The following SLC8A1 variants were observed in gnomAD, a reference collection of about 807,000 sequenced individuals.
SLC8A1 encodes sodium/calcium exchanger 1.
A neutral mutation model predicts 68.3 loss-of-function variants in SLC8A1; 18 were observed. That is an observed-to-expected ratio of 0.26 (90% confidence interval 0.18 to 0.39). The LOEUF is 0.39. SLC8A1 is among the 10% of genes least tolerant of loss of function. The pLI, the probability that SLC8A1 is intolerant of heterozygous loss-of-function variation, is 1.00. For missense variants in SLC8A1, 985 were observed against 1,156.7 expected (o/e 0.85, Z 2.15); for synonymous variants, 475 against 415.5 (o/e 1.14, Z -1.74).
intron 2 of SLC8A1, among the ~76,000 whole-genome samples, chr2:40,414,996 T>C (rs780661389): frequency 6.6e-6 from 1 of 152,104 alleles, no homozygotes; most frequent in African/African-American, 2.4e-5. Flanking sequence ...GAGAATGAAA[T>C]ACATGGCTCA....
intron 1 of SLC8A1, among the ~76,000 whole-genome samples, chr2:40,509,457 T>C (rs1706571122): frequency 7.0e-6 from 1 of 142,878 alleles, no homozygotes; most frequent in Admixed American, 7.0e-5. Flanking sequence ...TTTTTTTTTT[T>C]TTTTTTAAGA....
At chr2:40,406,734 G>A (rs934945120) in intron 2 of SLC8A1, among the ~76,000 whole-genome samples, 4 of 152,114 alleles carry the variant, frequency 2.6e-5, no homozygotes, top group East Asian at 1.9e-4. Flanking sequence ...CCTGCATTTC[G>A]ATCTAAGCCT....
chr2:40,304,308 T>C lies in SLC8A1; in HGVS notation c.1808+124165A>G, dbSNP rs1001808366. On this transcript the variant is annotated intron_variant, in intron 2 of 7. Transcript: ENST00000406785. ...TTCTTGAAGGAAATAAGGAGGCTGT[T>C]GGAATAGCAATTTTCAATATCCAGA... Among the ~76,000 whole-genome samples, 6 of 152,190 alleles carry C rather than the reference T, an allele frequency of 3.9e-5. No homozygotes were observed. The East Asian group carries it at 1.2e-3, about 29-fold the overall frequency.
chr2:40,135,853 T>G lies in SLC8A1; in HGVS notation c.2437+3548A>C, dbSNP rs185373434. On this transcript the variant is annotated intron_variant, in intron 7 of 7. Transcript: ENST00000406785. ...AAGGCAAGATGTGGAAAGAGTAGGTTTGGTTAAAGGATAAGGCCATTGGGC... is the reference window on the plus strand; with the variant it reads ...AAGGCAAGATGTGGAAAGAGTAGGTGTGGTTAAAGGATAAGGCCATTGGGC... Among the ~76,000 whole-genome samples, 80 of 152,282 alleles carry G rather than the reference T, an allele frequency of 5.3e-4. 2 individuals are homozygous for G. Among genetic ancestry groups the G allele is most frequent in the Non-Finnish European group, 4.0e-4 (27 of 68,032 alleles).
At chr2:40,253,700 A>C (rs778459712) in intron 2 of SLC8A1, among the ~76,000 whole-genome samples, 1 of 151,750 alleles carries the variant, frequency 6.6e-6, no homozygotes, top group African/African-American at 2.4e-5. Flanking sequence ...GGTGGTGGGC[A>C]CTTGTAATCC....
At chr2:40,318,465 T>G (rs2074763906) in intron 2 of SLC8A1, among the ~76,000 whole-genome samples, 1 of 150,792 alleles carries the variant, frequency 6.6e-6, no homozygotes, top group Non-Finnish European at 1.5e-5. Flanking sequence ...TCTAGGATTT[T>G]GGTATTATTT....
chr2:40,206,436 A>T (rs1267443564), intron 2 of SLC8A1, among the ~76,000 whole-genome samples: 1 of 152,082 alleles, frequency 6.6e-6, no homozygotes, highest in African/African-American at 2.4e-5. Context: ...TCTTGATTTC[A>T]GTGCTTATTA....
intron 1 of SLC8A1, among the ~76,000 whole-genome samples, chr2:40,445,562 C>T (rs535219125): frequency 6.6e-6 from 1 of 152,284 alleles, no homozygotes; most frequent in African/African-American, 2.4e-5. Flanking sequence ...TACATGGCCT[C>T]CATTTGCTTA....
chr2:40,170,130 A>G, intron 4 of SLC8A1, 151 bp downstream of exon 7: 1 of 671,528 alleles, frequency 1.5e-6, no homozygotes, highest in Non-Finnish European at 2.5e-6. Context: ...GTTTTGTTGT[A>G]ATCCACCGTA....
chr2:40,393,272 G>A (rs1181396304), intron 2 of SLC8A1, among the ~76,000 whole-genome samples: 2 of 151,824 alleles, frequency 1.3e-5, no homozygotes, highest in Non-Finnish European at 2.9e-5. Context: ...TATTACTTAG[G>A]AAAAAAATCC....
chr2:40,287,411 A>G (rs75426470), intron 2 of SLC8A1, among the ~76,000 whole-genome samples: 2,134 of 152,172 alleles, frequency 0.014, 49 homozygotes, highest in African/African-American at 0.048. Flanking sequence ...CACTCACAGA[A>G]GCTGACATTA....
intron 1 of SLC8A1, among the ~76,000 whole-genome samples, chr2:40,502,823 T>C (rs1706130915): frequency 6.6e-6 from 1 of 152,034 alleles, no homozygotes; most frequent in Non-Finnish European, 1.5e-5. Context: ...CCTTACCTCC[T>C]ACTCTCCAGC....
At chr2:40,193,035 T>C (rs1475159635) in intron 2 of SLC8A1, among the ~76,000 whole-genome samples, 1 of 152,142 alleles carries the variant, frequency 6.6e-6, no homozygotes, top group Non-Finnish European at 1.5e-5. Flanking sequence ...TGGCACATAG[T>C]GTTTGCGTAA....
intron 2 of SLC8A1, among the ~76,000 whole-genome samples, chr2:40,338,618 T>A (rs981745891): frequency 2.0e-5 from 3 of 152,178 alleles, no homozygotes; most frequent in African/African-American, 7.2e-5. Flanking sequence ...TTACTGAGAC[T>A]AAGCAAAATC....
chr2:40,101,747 C>T (rs2033903658), exon 8 of SLC8A1: 1 of 152,076 alleles, frequency 6.6e-6, no homozygotes, highest in Non-Finnish European at 1.5e-5. Context: ...CTTGGCCACT[C>T]AGAATGCTGT....
intron 2 of SLC8A1, among the ~76,000 whole-genome samples, chr2:40,370,641 A>C (rs992587743): frequency 2.6e-5 from 4 of 152,092 alleles, no homozygotes; most frequent in Admixed American, 2.6e-4. Flanking sequence ...AAATATGTTA[A>C]ATTGACAAAT....
chr2:40,512,025 G>A (rs1208438468), intron 1 of SLC8A1, among the ~76,000 whole-genome samples: 2 of 152,102 alleles, frequency 1.3e-5, no homozygotes, highest in Non-Finnish European at 2.9e-5. Flanking sequence ...CGCGGAAGCT[G>A]TGGCTCATTT....
chr2:40,123,290 G>A (rs183684708), intron 7 of SLC8A1: 7 of 152,304 alleles, frequency 4.6e-5, no homozygotes, highest in Non-Finnish European at 7.4e-5. Flanking sequence ...GCAGCTGATC[G>A]TTTGAAAGAA....
chr2:40,221,113 A>G (rs2058272310), intron 2 of SLC8A1, among the ~76,000 whole-genome samples: 1 of 152,186 alleles, frequency 6.6e-6, no homozygotes, highest in African/African-American at 2.4e-5. Flanking sequence ...CCTGATGAAC[A>G]TCGATGTGAA....
Sources: allele counts gnomAD v4.1 joint callset (sites outside exome capture counted in the v4.1 genomes callset), GRCh38; gene constraint gnomAD v4.1.1; transcripts MANE v1.5; gene names NCBI Gene and HGNC (gene_info 2026-07-23, HGNC 2026-07-21).